The following UNC13C variants were observed in gnomAD, a reference collection of about 807,000 sequenced individuals.
UNC13C encodes unc-13 homolog C.
Under a neutral mutation model 245.4 loss-of-function variants are expected in UNC13C, and 174 were observed. The observed-to-expected ratio is 0.71, with a 90% CI of 0.63 to 0.80. UNC13C has a LOEUF of 0.80. Among genes scored for constraint, UNC13C ranks in the 30% least tolerant of loss-of-function variants. The pLI is 0.00. For synonymous variants in UNC13C, 992 were observed against 895.1 expected (o/e 1.11, Z -1.93); for missense variants, 2,829 against 2,602.9 (o/e 1.09, Z -1.89).
intron 19 of UNC13C, among the ~76,000 whole-genome samples, chr15:54,493,056 T>G (rs1307044943): frequency 6.6e-6 from 1 of 152,224 alleles, no homozygotes; most frequent in Non-Finnish European, 1.5e-5. Context: ...ATATTTGTGA[T>G]AAGTTGAACC....
chr15:54,313,170 A>G (rs74853741), intron 13 of UNC13C, among the ~76,000 whole-genome samples: 3,144 of 151,860 alleles, frequency 0.021, 111 homozygotes, highest in African/African-American at 0.072. Flanking sequence ...TGCTGCTTTC[A>G]GTTTACTGAT....
At chr15:54,551,804 T>C (rs1414808426) in intron 28 of UNC13C, among the ~76,000 whole-genome samples, 1 of 152,002 alleles carries the variant, frequency 6.6e-6, no homozygotes, top group Non-Finnish European at 1.5e-5. Flanking sequence ...GTTATTACTA[T>C]TTGAATTACA....
chr15:54,291,214 G>A (rs2037290037), intron 10 of UNC13C, among the ~76,000 whole-genome samples: 1 of 151,882 alleles, frequency 6.6e-6, no homozygotes, highest in African/African-American at 2.4e-5. Context: ...GTTATCTTGG[G>A]AATTCTGAGT....
chr15:54,000,472 A>G lies in UNC13C; in HGVS notation c.-256-12176A>G, dbSNP rs140671053. Among the ~76,000 whole-genome samples the G allele has an allele frequency of 5.3e-3, 808 of 152,278 alleles. 35 individuals carry two copies. The South Asian group carries it at 0.11, about 20-fold the overall frequency. ...TGATATTATTATACCATTACATAGCATAAATCTATAGTTAATTTTAGTAAA... is the reference window on the plus strand; with the variant it reads ...TGATATTATTATACCATTACATAGCGTAAATCTATAGTTAATTTTAGTAAA... On this transcript the variant is annotated intron_variant, in intron 1 of 32. Transcript: ENST00000260323.
At chr15:54,621,532 C>T (rs910933256) in intron 30 of UNC13C, among the ~76,000 whole-genome samples, 3 of 152,064 alleles carry the variant, frequency 2.0e-5, no homozygotes, top group Non-Finnish European at 4.4e-5. Context: ...CTCCATGATA[C>T]ATTTTTAGGT....
intron 17 of UNC13C, among the ~76,000 whole-genome samples, chr15:54,376,821 T>C (rs1038015668): frequency 6.6e-6 from 1 of 152,198 alleles, no homozygotes; most frequent in African/African-American, 2.4e-5. Flanking sequence ...ATAGGTTTCA[T>C]GATGTCCCCC....
At chr15:54,204,235 G>A (rs565655045) in intron 4 of UNC13C, among the ~76,000 whole-genome samples, 34 of 130,708 alleles carry the variant, frequency 2.6e-4, no homozygotes, top group Admixed American at 1.2e-3. Flanking sequence ...CAGAAATCAC[G>A]AAAGAACTTA....
intron 7 of UNC13C, among the ~76,000 whole-genome samples, chr15:54,248,648 G>A (rs1474350302): frequency 6.6e-6 from 1 of 151,972 alleles, no homozygotes; most frequent in Non-Finnish European, 1.5e-5. Context: ...TTTTCTATCT[G>A]AATAAACCCT....
intron 4 of UNC13C, among the ~76,000 whole-genome samples, chr15:54,166,280 A>ATT (rs1345047105): frequency 1.3e-5 from 2 of 152,080 alleles, no homozygotes; most frequent in Non-Finnish European, 1.5e-5. Flanking sequence ...ACATTCGTAT[A>ATT]TTTAGCCTGT....
At chr15:54,541,290 T>C (rs903387422) in intron 26 of UNC13C, among the ~76,000 whole-genome samples, 5 of 152,118 alleles carry the variant, frequency 3.3e-5, no homozygotes, top group South Asian at 2.1e-4. Context: ...AATACAATTA[T>C]GTATATCTTT....
At chr15:53,896,638 C>T in the UNC13C span, among the ~76,000 whole-genome samples, 1 of 151,916 alleles carries the variant, frequency 6.6e-6, no homozygotes, top group African/African-American at 2.4e-5. Context: ...TTAAAGGGAA[C>T]CAGGTCATGT....
rs549031927 is a variant in UNC13C at position 54,236,337 on chromosome 15, T to G, written c.3151-93T>G. 2.7e-4 allele frequency: 260 copies of G among 960,716 alleles called. 3 individuals carry two copies. In the South Asian group the frequency reaches 3.4e-3, roughly 13 times the overall value. 59.5% of individuals were successfully genotyped at this position (960,716 alleles called of 1,614,324 possible). On this transcript the variant is annotated intron_variant, in intron 5 of 32. Transcript: ENST00000260323. The stretch of plus-strand genomic sequence containing the variant: ...TCACTATGTGGAAATAATTGTAAAG[T>G]GTTAGGCTAATTTAACATTGTTATA...
chr15:54,365,693 A>C (rs1406867146), intron 17 of UNC13C, among the ~76,000 whole-genome samples: 1 of 152,016 alleles, frequency 6.6e-6, no homozygotes, highest in African/African-American at 2.4e-5. Context: ...GAGTCTTTCT[A>C]GTGGGCCCTT....
intron 17 of UNC13C, among the ~76,000 whole-genome samples, chr15:54,348,461 G>A (rs2038908941): frequency 6.6e-6 from 1 of 152,058 alleles, no homozygotes; most frequent in Non-Finnish European, 1.5e-5. Flanking sequence ...ATAACACTGT[G>A]CAGAGATCAA....
intron 19 of UNC13C, among the ~76,000 whole-genome samples, chr15:54,473,643 T>C (rs1892577504): frequency 6.6e-6 from 1 of 152,026 alleles, no homozygotes; most frequent in African/African-American, 2.4e-5. Flanking sequence ...GTTCCATCTA[T>C]GTTGCTGCAA....
In UNC13C at chr15:54,015,838, G is replaced by A. The variant is rs1895631900; in HGVS notation, c.2935G>A (p.Ala979Thr). The change falls in exon 2 of 33, where the codon GCC becomes ACC. Residue 979 changes from alanine to threonine, a missense_variant. By Grantham distance (58) the Ala-to-Thr change is moderately conservative. Transcript: ENST00000260323. ...TTCTTTCAAAGAAGCAGCTTTAAGG[G>A]CCTATAAAAAGCAAATGGCAGAGTT... ...RPSFKEAALR[A>T]YKKQMAELEE... The A allele has an allele frequency of 1.2e-6, 2 of 1,606,286 alleles. No individual in the cohort carries two copies. The highest frequency in any genetic ancestry group is 1.7e-6 in the Non-Finnish European group (2 of 1,176,976).
intron 30 of UNC13C, among the ~76,000 whole-genome samples, chr15:54,616,606 A>T (rs1002129392): frequency 6.6e-6 from 1 of 152,116 alleles, no homozygotes; most frequent in Non-Finnish European, 1.5e-5. Flanking sequence ...AATAGAAAAA[A>T]TTTTACAGAA....
At chr15:54,084,706 A>G (rs975450010) in intron 2 of UNC13C, among the ~76,000 whole-genome samples, 3 of 152,228 alleles carry the variant, frequency 2.0e-5, no homozygotes, top group African/African-American at 7.2e-5. Context: ...TTCAGGTCAT[A>G]TGCTAAGGGA....
At chr15:54,170,732 G>A (rs988177559) in intron 4 of UNC13C, among the ~76,000 whole-genome samples, 2 of 152,154 alleles carry the variant, frequency 1.3e-5, no homozygotes, top group Non-Finnish European at 2.9e-5. Context: ...AGAGAACGTG[G>A]CAATGAAGGT....
Sources: allele counts gnomAD v4.1 joint callset (sites outside exome capture counted in the v4.1 genomes callset), GRCh38; gene constraint gnomAD v4.1.1; transcripts MANE v1.5; gene names NCBI Gene and HGNC (gene_info 2026-07-23, HGNC 2026-07-21).